The following CNTNAP2 variants were observed in gnomAD, a reference collection of about 807,000 sequenced individuals.
CNTNAP2 encodes contactin-associated protein-like 2.
A neutral mutation model predicts 155.2 loss-of-function variants in CNTNAP2; 98 were observed. The ratio of observed to expected loss-of-function variants is 0.63; its 90% CI spans 0.54 to 0.75. CNTNAP2 has a LOEUF of 0.75. Among genes scored for constraint, CNTNAP2 ranks in the 30% least tolerant of loss-of-function variants. The probability of loss-of-function intolerance (pLI) is 0.00; values close to 1 mark genes in which losing one functional copy is unlikely to be tolerated. For synonymous variants in CNTNAP2, 651 were observed against 631.2 expected, an observed-to-expected ratio of 1.03 and a Z score of -0.47; for missense variants, 1,727 against 1,688.1, an observed-to-expected ratio of 1.02 and a Z score of -0.40.
At chr7:148,021,628 C>T (rs913107967) in intron 15 of CNTNAP2, among the ~76,000 whole-genome samples, 6 of 152,190 alleles carry the variant, frequency 3.9e-5, no homozygotes, top group African/African-American at 1.4e-4. Context: ...ACGGCGCTAG[C>T]CCCTGGGGAT....
intron 10 of CNTNAP2, among the ~76,000 whole-genome samples, chr7:147,437,461 TC>T (rs1303180442): frequency 7.2e-5 from 11 of 152,176 alleles, no homozygotes; most frequent in Non-Finnish European, 1.3e-4. Flanking sequence ...TTCCAGAATG[TC>T]TTTTTTCCAG....
chr7:147,148,251 G>A (rs1031269544), intron 8 of CNTNAP2, among the ~76,000 whole-genome samples: 2 of 151,026 alleles, frequency 1.3e-5, no homozygotes, highest in Admixed American at 6.6e-5. Flanking sequence ...ATAGCCGGGC[G>A]TAGTGGCGGG....
intron 1 of CNTNAP2, among the ~76,000 whole-genome samples, chr7:146,353,768 C>T (rs1442409287): frequency 6.6e-6 from 1 of 151,958 alleles, no homozygotes; most frequent in East Asian, 1.9e-4. Context: ...TCTTAGATTA[C>T]TAGGGCCTAT....
At chr7:146,668,902 A>G (rs1487899275) in intron 1 of CNTNAP2, among the ~76,000 whole-genome samples, 4 of 152,012 alleles carry the variant, frequency 2.6e-5, no homozygotes, top group Admixed American at 2.6e-4. Context: ...CTTTATTGCT[A>G]GTTAGCCCAT....
At chr7:147,362,421 C>T (rs984641098) in intron 9 of CNTNAP2, among the ~76,000 whole-genome samples, 2 of 151,354 alleles carry the variant, frequency 1.3e-5, no homozygotes, top group African/African-American at 4.8e-5. Flanking sequence ...AGGCATGAGC[C>T]ACCACTTCTG....
At chr7:146,132,685 G>A (rs889943130) in intron 1 of CNTNAP2, among the ~76,000 whole-genome samples, 23 of 151,522 alleles carry the variant, frequency 1.5e-4, no homozygotes, top group South Asian at 4.2e-4. Context: ...TTGTTCTTGC[G>A]ATAGTTTACT....
At chr7:146,941,581 A>G (rs1175501450) in intron 3 of CNTNAP2, among the ~76,000 whole-genome samples, 1 of 152,082 alleles carries the variant, frequency 6.6e-6, no homozygotes, top group East Asian at 1.9e-4. Flanking sequence ...TCTCTTACCA[A>G]TGAGTTTTAT....
intron 13 of CNTNAP2, among the ~76,000 whole-genome samples, chr7:147,877,007 A>G (rs754363390): frequency 1.3e-4 from 20 of 152,076 alleles, no homozygotes; most frequent in Non-Finnish European, 1.0e-4. Flanking sequence ...GCAAATTGAT[A>G]GCAGGAGGGC....
chr7:148,020,970 G>A (rs1802270288), intron 15 of CNTNAP2, among the ~76,000 whole-genome samples: 1 of 152,304 alleles, frequency 6.6e-6, no homozygotes, highest in Admixed American at 6.5e-5. Context: ...TCATTGAATC[G>A]GTTACTGAAT....
chr7:146,656,561 G>A (rs1299137036), intron 1 of CNTNAP2, among the ~76,000 whole-genome samples: 2 of 152,124 alleles, frequency 1.3e-5, no homozygotes, highest in African/African-American at 4.8e-5. Context: ...GGCTGGATCA[G>A]TCTGTTGGTT....
At chr7:146,326,217 T>C in intron 1 of CNTNAP2, among the ~76,000 whole-genome samples, 1 of 152,152 alleles carries the variant, frequency 6.6e-6, no homozygotes, top group East Asian at 1.9e-4. Flanking sequence ...TGCCTGATAA[T>C]GCAGAGGAAA....
At chr7:146,433,809 T>C (rs566706605) in intron 1 of CNTNAP2, among the ~76,000 whole-genome samples, 1 of 152,246 alleles carries the variant, frequency 6.6e-6, no homozygotes, top group Non-Finnish European at 1.5e-5. Flanking sequence ...CGTCATGATA[T>C]GTTGATTTGA....
intron 1 of CNTNAP2, among the ~76,000 whole-genome samples, chr7:146,261,480 G>C (rs1475907003): frequency 2.0e-5 from 3 of 151,646 alleles, no homozygotes; most frequent in Non-Finnish European, 2.9e-5. Context: ...GTTTTATGAA[G>C]AGATAAAAAT....
intron 4 of CNTNAP2, among the ~76,000 whole-genome samples, chr7:147,102,765 A>G (rs963877514): frequency 6.6e-6 from 1 of 152,196 alleles, no homozygotes; most frequent in Non-Finnish European, 1.5e-5. Flanking sequence ...TTAGGTTTAT[A>G]TCATAGATAC....
At chr7:147,479,420 C>T (rs114244041) in intron 10 of CNTNAP2, among the ~76,000 whole-genome samples, 2,454 of 152,190 alleles carry the variant, frequency 0.016, 71 homozygotes, top group African/African-American at 0.056. Flanking sequence ...GTGGAACAGG[C>T]GACTGACTGA....
At chr7:146,442,828 T>G (rs1796339497) in intron 1 of CNTNAP2, among the ~76,000 whole-genome samples, 2 of 152,160 alleles carry the variant, frequency 1.3e-5, no homozygotes, top group African/African-American at 4.8e-5. Context: ...AGCATTCTTC[T>G]TGTCTTGGGT....
At chr7:146,854,348 C>T (rs1462657151) in intron 3 of CNTNAP2, among the ~76,000 whole-genome samples, 1 of 152,178 alleles carries the variant, frequency 6.6e-6, no homozygotes. Context: ...GCAAATGCAT[C>T]AAGCTGTATG....
At chr7:146,422,039 G>A (rs1049581338) in intron 1 of CNTNAP2, among the ~76,000 whole-genome samples, 1 of 151,174 alleles carries the variant, frequency 6.6e-6, no homozygotes, top group African/African-American at 2.4e-5. Context: ...ATTTCCATAT[G>A]GGTAATTTTT....
intron 1 of CNTNAP2, among the ~76,000 whole-genome samples, chr7:146,342,999 C>A (rs1252964602): frequency 6.6e-6 from 1 of 152,178 alleles, no homozygotes; most frequent in Non-Finnish European, 1.5e-5. Context: ...TAGGCATTTT[C>A]CACACTTGGG....
Sources: gnomAD v4.1 joint callset for allele counts (sites outside exome capture counted in the v4.1 genomes callset) on GRCh38, gnomAD v4.1.1 for gene constraint, MANE v1.5 for transcripts, NCBI Gene and HGNC (gene_info 2026-07-23, HGNC 2026-07-21) for gene names.